CWC22: variants seen among roughly 807,000 people sequenced by gnomAD.
The protein encoded by CWC22 is CWC22 spliceosome associated protein.
Under a neutral mutation model 117.2 loss-of-function variants are expected in CWC22, and 53 were observed. The ratio of observed to expected loss-of-function variants is 0.45; its 90% confidence interval spans 0.36 to 0.57. The LOEUF (loss-of-function observed/expected upper bound fraction) is 0.57. Among genes scored for constraint, CWC22 ranks in the 20% least tolerant of loss-of-function variants. The pLI is 0.00. For synonymous variants in CWC22, 360 were observed against 355.6 expected (o/e 1.01, Z -0.14); for missense variants, 980 against 1,068.8 (o/e 0.92, Z 1.16).
intron 4 of CWC22, among the ~76,000 whole-genome samples, chr2:179,982,331 T>C (rs1474340343): frequency 6.6e-6 from 1 of 152,204 alleles, no homozygotes; most frequent in East Asian, 1.9e-4. Context: ...GGATTATGTG[T>C]CATGGTTGTT....
At chr2:179,948,985 A>G (rs1012850745) in intron 19 of CWC22, among the ~76,000 whole-genome samples, 3 of 152,224 alleles carry the variant, frequency 2.0e-5, no homozygotes, top group Non-Finnish European at 4.4e-5. Flanking sequence ...GTATATGGAA[A>G]TTCTCTGTAC....
In CWC22 at chr2:179,945,441, G is replaced by T; in HGVS notation, c.2415C>A (p.Asp805Glu). Residue 805 changes from aspartate to glutamate, a missense_variant, in exon 20 of 20, where the codon GAC becomes GAA. By Grantham distance (45) the Asp-to-Glu change is conservative. Around this residue, in one of 3 missense-constraint regions of CWC22, gnomAD observed 306 missense variants for 296.8 expected, o/e 1.03. Coordinates refer to ENST00000410053, the MANE Select transcript of CWC22 (RefSeq NM_020943.3). Reference protein sequence around the residue: ...NNYSRVANDRDQEMHIDLENK... With the variant: ...NNYSRVANDREQEMHIDLENK... ...TTTCCAAATCTATATGCATTTCTTG[G>T]TCTCTGTCATTCGCAACTCTACTGT... 6.2e-7 allele frequency: 1 copy of T among 1,612,638 alleles called. No individual in the cohort carries two copies. The highest frequency in any genetic ancestry group is 8.5e-7 in the Non-Finnish European group (1 of 1,179,206).
chr2:179,955,671 T>C (rs1038080206), intron 14 of CWC22, among the ~76,000 whole-genome samples: 1 of 152,060 alleles, frequency 6.6e-6, no homozygotes, highest in African/African-American at 2.4e-5. Context: ...ACTGCTAGTA[T>C]ATTATTCCAA....
At chr2:179,951,938 G>A (rs1000969950) in intron 17 of CWC22, among the ~76,000 whole-genome samples, 3 of 151,988 alleles carry the variant, frequency 2.0e-5, no homozygotes, top group African/African-American at 7.2e-5. Context: ...TATGGCAGGT[G>A]GTCACTGAGA....
At position 179,970,645 on chromosome 2, in the gene CWC22, C is replaced by T; in HGVS notation, c.1147+5G>A. 1.2e-6 allele frequency: 2 copies of T among 1,611,112 alleles called. No homozygotes were observed. The highest frequency in any genetic ancestry group is 1.7e-4 in the Middle Eastern group (1 of 6,060). ...CTCTTTCCAACTAACATGCCCCGGA[C>T]TTACTAAGAACATCTTCTGGATTAT... On this transcript the variant is annotated splice_donor_5th_base_variant and intron_variant, in intron 10 of 19. Coordinates refer to ENST00000410053, the MANE Select transcript of CWC22 (RefSeq NM_020943.3).
chr2:179,980,416 C>CT lies in CWC22; in HGVS notation c.452+1335dup, dbSNP rs748844659. On this transcript the variant is annotated intron_variant, in intron 5 of 19. Transcript: ENST00000410053. ...AGCTTCTTTTAGATAAATGACATTT[C>CT]TTATTTTTTTTTTTTTTTTGAGGCA... Among the ~76,000 whole-genome samples, 61 of 115,170 alleles carry CT rather than the reference C, an allele frequency of 5.3e-4. 1 individual carries two copies. Among genetic ancestry groups the CT allele is most frequent in the African/African-American group, 1.7e-3 (54 of 30,922 alleles). The allele number at this position is 115,170 out of a possible 152,430, so 75.6% of individuals were successfully genotyped here. A position where few individuals can be genotyped will look rare whatever the true frequency, so the allele number is the denominator to read the frequency against.
rs193133926 is a variant in CWC22, at chr2:180,001,814, C to T, written c.-114+5053G>A. Among the ~76,000 whole-genome samples, 214 of 152,352 alleles carry T rather than the reference C, an allele frequency of 1.4e-3. 4 individuals carry two copies. The highest frequency in any genetic ancestry group is 0.012 in the Admixed American group (190 of 15,310). On this transcript the variant is annotated intron_variant, in intron 1 of 19. Transcript: ENST00000410053. ...CCTAATCCCCTTCTTGAAGTTCTCACTTGTCAACTTACAGGGACACCACCT... is the reference window on the plus strand; with the variant it reads ...CCTAATCCCCTTCTTGAAGTTCTCATTTGTCAACTTACAGGGACACCACCT...
chr2:179,988,428 T>C (rs752761551), intron 3 of CWC22, 149 bp downstream of exon 3: 6 of 493,868 alleles, frequency 1.2e-5, no homozygotes, highest in African/African-American at 2.0e-5. Context: ...TTAAGGATGA[T>C]TCCTCCTACA....
chr2:179,983,147 T>G (rs191307979), intron 4 of CWC22, among the ~76,000 whole-genome samples: 1 of 152,264 alleles, frequency 6.6e-6, no homozygotes, highest in East Asian at 1.9e-4. Context: ...TGCAGGTTTA[T>G]TACATAGGTA....
Position 180,006,908 on chromosome 2 carries a change from G to C in CWC22, c.-155C>G, listed in dbSNP as rs75617808. On this transcript the variant is annotated 5_prime_UTR_variant, in exon 1 of 20. Coordinates refer to ENST00000410053, the MANE Select transcript of CWC22 (RefSeq NM_020943.3). ...GCTCTCACACCCCTCTTGCGGGCCC[G>C]AGCGTAGCGAGAAGACCCACGCACA... is the stretch of plus-strand genomic sequence containing the variant. 2,233 of 152,504 alleles carry C rather than the reference G, an allele frequency of 0.015. 29 individuals are homozygous for C. Among genetic ancestry groups the C allele is most frequent in the Non-Finnish European group, 0.023 (1,542 of 68,214 alleles). 9.4% of individuals were successfully genotyped at this position (152,504 alleles called of 1,614,324 possible).
At chr2:179,951,243 T>C (rs930977485) in intron 17 of CWC22, among the ~76,000 whole-genome samples, 2 of 151,988 alleles carry the variant, frequency 1.3e-5, no homozygotes, top group South Asian at 2.1e-4. Flanking sequence ...TGTATATATA[T>C]ACACACACGT....
In CWC22 at chr2:179,945,440, G is replaced by A. The variant is rs1308170184; in HGVS notation, c.2416C>T (p.Gln806Ter). 1.2e-6 allele frequency: 2 copies of A among 1,612,480 alleles called. No homozygotes were observed. Among genetic ancestry groups the A allele is most frequent in the Non-Finnish European group, 8.5e-7 (1 of 1,179,118 alleles). Residue 806 changes from glutamine to a stop codon, truncating the protein, a stop_gained, in exon 20 of 20, where the codon CAA becomes TAA. Coordinates refer to ENST00000410053, the MANE Select transcript of CWC22 (RefSeq NM_020943.3). LOFTEE classifies it high-confidence loss of function. Reference protein sequence around the residue: ...NYSRVANDRDQEMHIDLENKH... With the variant: ...NYSRVANDRD ...TTTTCCAAATCTATATGCATTTCTT[G>A]GTCTCTGTCATTCGCAACTCTACTG...
intron 12 of CWC22, 138 bp downstream of exon 12, chr2:179,965,740 C>T: frequency 1.5e-6 from 1 of 654,814 alleles, no homozygotes; most frequent in East Asian, 3.0e-5. Flanking sequence ...TTAACAGCAG[C>T]CCTAGTCTTC....
At chr2:179,987,976 G>A (rs1246394688) in intron 3 of CWC22, among the ~76,000 whole-genome samples, 1 of 152,148 alleles carries the variant, frequency 6.6e-6, no homozygotes, top group African/African-American at 2.4e-5. Context: ...GGATGAAACT[G>A]TTCCACCTCA....
At chr2:179,953,404 C>T (rs1036936226) in intron 16 of CWC22, among the ~76,000 whole-genome samples, 1 of 152,066 alleles carries the variant, frequency 6.6e-6, no homozygotes, top group Non-Finnish European at 1.5e-5. Flanking sequence ...ATCCTTCTCT[C>T]TTTCTTTCTT....
intron 17 of CWC22, among the ~76,000 whole-genome samples, chr2:179,952,088 G>C (rs774405290): frequency 8.6e-5 from 13 of 151,974 alleles, no homozygotes; most frequent in Non-Finnish European, 1.6e-4. Flanking sequence ...GTAATATTTT[G>C]AACAATTATT....
At chr2:179,959,515 C>T (rs1432087336) in intron 13 of CWC22, among the ~76,000 whole-genome samples, 2 of 152,108 alleles carry the variant, frequency 1.3e-5, no homozygotes, top group Non-Finnish European at 2.9e-5. Flanking sequence ...TCATGCATCG[C>T]TTAATGACAC....
intron 6 of CWC22, among the ~76,000 whole-genome samples, chr2:179,974,608 T>A (rs1046018865): frequency 6.6e-6 from 1 of 152,244 alleles, no homozygotes; most frequent in African/African-American, 2.4e-5. Flanking sequence ...TTATAGTATC[T>A]TTAGCAATCC....
At chr2:179,982,965 C>T (rs926673596) in intron 4 of CWC22, among the ~76,000 whole-genome samples, 106 of 152,130 alleles carry the variant, frequency 7.0e-4, no homozygotes, top group African/African-American at 2.0e-3. Context: ...TACCAGGAAA[C>T]TGTGGTATAG....
Sources: gnomAD v4.1 joint callset for allele counts (sites outside exome capture counted in the v4.1 genomes callset) on GRCh38, gnomAD v4.1.1 for gene constraint, gnomAD v4.1.1 regional missense constraint, MANE v1.5 for transcripts, NCBI Gene and HGNC (gene_info 2026-07-23, HGNC 2026-07-21) for gene names.